The following TENT4B variants were observed in gnomAD, a reference collection of about 807,000 sequenced individuals.
TENT4B encodes the protein terminal nucleotidyltransferase 4B.
A neutral mutation model predicts 75.0 loss-of-function variants in TENT4B; 10 were observed. That is an observed-to-expected ratio of 0.13 (90% CI 0.08 to 0.23). The LOEUF is 0.23. TENT4B is among the 10% of genes least tolerant of loss of function. TENT4B has a pLI of 1.00. For synonymous variants in TENT4B, 350 were observed against 357.7 expected (o/e 0.98, Z 0.24); for missense variants, 579 against 893.8 (o/e 0.65, Z 4.49).
At chr16:50,174,734 C>T (rs2038270950) in intron 1 of TENT4B, among the ~76,000 whole-genome samples, 2 of 141,560 alleles carry the variant, frequency 1.4e-5, no homozygotes, top group Admixed American at 8.0e-5. Context: ...CTCCCCGTCT[C>T]CCCTACTCTT....
intron 1 of TENT4B, among the ~76,000 whole-genome samples, 178 bp downstream of exon 1, chr16:50,154,437 C>G (rs1196400615): frequency 6.6e-6 from 1 of 152,086 alleles, no homozygotes; most frequent in African/African-American, 2.4e-5. Flanking sequence ...CACCTTTCCC[C>G]AAGCCTCCTT....
At chr16:50,188,299 T>G (rs1422071117) in intron 1 of TENT4B, among the ~76,000 whole-genome samples, 6 of 152,220 alleles carry the variant, frequency 3.9e-5, no homozygotes, top group Non-Finnish European at 8.8e-5. Context: ...CTCATCACTT[T>G]TCTCTGAGAA....
chr16:50,152,964 T>C, upstream of TENT4B: 1 of 1,510,128 alleles, frequency 6.6e-7, no homozygotes, highest in Non-Finnish European at 8.8e-7. Context: ...TGCGGCCTCG[T>C]CCACGCTCAG....
intron 5 of TENT4B, 140 bp from the exon 6 acceptor site, chr16:50,222,166 G>C (rs2031860377): frequency 1.3e-6 from 1 of 757,310 alleles, no homozygotes; most frequent in African/African-American, 1.8e-5. Context: ...TTTTTTAATA[G>C]CTTACTCTTA....
rs1254621704 is a variant in TENT4B at position 50,233,437 on chromosome 16, C to T, written c.*4109C>T. ...TACATGATTTGAAAACTTGACCTAA[C>T]TGGAAGCCTTTTTCTCAGTCATCTT... On this transcript the variant is annotated 3_prime_UTR_variant, in exon 12 of 12. Transcript: ENST00000561678. The T allele has an allele frequency of 6.1e-6, 6 of 985,210 alleles. No individual in the cohort carries two copies. Among genetic ancestry groups the T allele is most frequent in the Non-Finnish European group, 7.2e-6 (6 of 829,922 alleles). 61.0% of individuals were successfully genotyped at this position (985,210 alleles called of 1,614,324 possible). A position where few individuals can be genotyped will look rare whatever the true frequency, so the allele number is the denominator to read the frequency against.
At chr16:50,201,909 C>G (rs2030679314) in intron 1 of TENT4B, among the ~76,000 whole-genome samples, 1 of 149,472 alleles carries the variant, frequency 6.7e-6, no homozygotes, top group Non-Finnish European at 1.5e-5. Context: ...CTGAGGTGCT[C>G]AGATTGCTTG....
chr16:50,187,159 A>G (rs886200860), intron 1 of TENT4B, among the ~76,000 whole-genome samples: 6 of 152,226 alleles, frequency 3.9e-5, no homozygotes, highest in African/African-American at 1.2e-4. Context: ...TCATATATCT[A>G]AGAGACCATT....
At chr16:50,227,683 A>C (rs1596759129) in intron 10 of TENT4B, among the ~76,000 whole-genome samples, 156 bp from the exon 11 acceptor site, 3 of 152,236 alleles carry the variant, frequency 2.0e-5, no homozygotes, top group African/African-American at 7.2e-5. Flanking sequence ...TTGGAGGAAA[A>C]TTTAAACAAA....
intron 3 of TENT4B, 75 bp from the exon 4 acceptor site, chr16:50,216,000 T>A (rs2031532703): frequency 6.4e-7 from 1 of 1,565,072 alleles, no homozygotes; most frequent in Non-Finnish European, 8.8e-7. Context: ...ACTAATGAAG[T>A]CTATAAGCAT....
chr16:50,187,132 T>TA (rs1328509209), intron 1 of TENT4B, among the ~76,000 whole-genome samples: 1 of 152,230 alleles, frequency 6.6e-6, no homozygotes, highest in Non-Finnish European at 1.5e-5. Flanking sequence ...TTTATCTTGT[T>TA]ACCTGTACAT....
chr16:50,216,444 G>A (rs2031557945), intron 4 of TENT4B, among the ~76,000 whole-genome samples: 1 of 152,144 alleles, frequency 6.6e-6, no homozygotes, highest in African/African-American at 2.4e-5. Context: ...TTGGGGAGCT[G>A]TACTACAAAC....
intron 1 of TENT4B, among the ~76,000 whole-genome samples, chr16:50,159,305 C>T (rs1567473801): frequency 6.7e-6 from 1 of 149,558 alleles, no homozygotes; most frequent in Non-Finnish European, 1.5e-5. Context: ...AGTGCAGTGG[C>T]GCGATCTTGG....
In TENT4B at chr16:50,159,025, C is replaced by A. The variant is rs372871713; in HGVS notation, c.638+4766C>A. Among the ~76,000 whole-genome samples the A allele has an allele frequency of 7.0e-4, 107 of 152,184 alleles. 1 individual carries two copies. The South Asian group carries it at 0.021, about 30-fold the overall frequency. On this transcript the variant is annotated intron_variant, in intron 1 of 11. Transcript: ENST00000561678. ...GATAGTAGGGGGATGTATAGGTGGACCTGCTAGTGGGGAGCTGAGATTTGG... is the reference window on the plus strand; with the variant it reads ...GATAGTAGGGGGATGTATAGGTGGAACTGCTAGTGGGGAGCTGAGATTTGG...
rs555284061 is a variant in TENT4B at position 50,180,134 on chromosome 16, C to T, written c.638+25875C>T. 4.6e-3 allele frequency among the ~76,000 whole-genome samples: 675 copies of T among 148,210 alleles called. 3 individuals are homozygous for T. The highest frequency in any genetic ancestry group is 0.01 in the Middle Eastern group (3 of 288). ...TTCTTTTTTTTTTGAGATGGCGTCT[C>T]GCTCTTTTGCCCAGGCTGGAGTGCA... On this transcript the variant is annotated intron_variant, in intron 1 of 11. Coordinates refer to ENST00000561678, the MANE Select transcript of TENT4B (RefSeq NM_001365324.3).
At chr16:50,170,068 T>A (rs2038176333) in intron 1 of TENT4B, among the ~76,000 whole-genome samples, 1 of 152,162 alleles carries the variant, frequency 6.6e-6, no homozygotes, top group Non-Finnish European at 1.5e-5. Context: ...CTTTTTTTTT[T>A]TGAGATGGAG....
chr16:50,220,409 G>T (rs564191022), intron 5 of TENT4B, among the ~76,000 whole-genome samples: 4 of 151,612 alleles, frequency 2.6e-5, no homozygotes, highest in African/African-American at 9.7e-5. Context: ...TAAACTCCTG[G>T]GCTCAAGCAG....
chr16:50,186,906 T>G (rs1259357425), intron 1 of TENT4B, among the ~76,000 whole-genome samples: 1 of 151,986 alleles, frequency 6.6e-6, no homozygotes, highest in East Asian at 1.9e-4. Flanking sequence ...TTTTCATTTA[T>G]TTTTCTTTTT....
chr16:50,213,106 C>CTGGA lies in TENT4B; in HGVS notation c.763-1114_763-1111dup, dbSNP rs533788643. ...ATGGAGTCTCGCTCTGTCGCCCAGG[C>CTGGA]TGGAGTGCAGTGACATGATCTCAGC... is the stretch of plus-strand genomic sequence containing the variant. On this transcript the variant is annotated intron_variant, in intron 2 of 11. Coordinates refer to ENST00000561678, the MANE Select transcript of TENT4B (RefSeq NM_001365324.3). Among the ~76,000 whole-genome samples the CTGGA allele has an allele frequency of 1.8e-3, 270 of 152,146 alleles. 9 individuals carry two copies. The South Asian group carries it at 0.053, about 30-fold the overall frequency.
chr16:50,226,202 T>C (rs1251490145), intron 10 of TENT4B, among the ~76,000 whole-genome samples: 3 of 151,994 alleles, frequency 2.0e-5, no homozygotes, highest in Admixed American at 2.0e-4. Flanking sequence ...GGTTTCACCA[T>C]GTTGGCCAGG....
Sources: gnomAD v4.1 joint callset for allele counts (sites outside exome capture counted in the v4.1 genomes callset) on GRCh38, gnomAD v4.1.1 for gene constraint, MANE v1.5 for transcripts, NCBI Gene and HGNC (gene_info 2026-07-23, HGNC 2026-07-21) for gene names.